The following HDAC4 variants were observed in gnomAD, a reference collection of about 807,000 sequenced individuals.
The protein encoded by HDAC4 is histone deacetylase 4, also known as histone deacetylase A.
In HDAC4, 16 loss-of-function variants were observed where a neutral mutation model predicts 135.1. That is an observed-to-expected ratio of 0.12 (90% CI 0.08 to 0.18). The LOEUF is 0.18. Among genes scored for constraint, HDAC4 ranks in the 10% least tolerant of loss-of-function variants. HDAC4 has a pLI of 1.00. For synonymous variants in HDAC4, 685 were observed against 653.4 expected (o/e 1.05, Z -0.74); for missense variants, 1,143 against 1,511.8 (o/e 0.76, Z 4.05).
chr2:239,070,614 A>G (rs960229054), intron 22 of HDAC4, among the ~76,000 whole-genome samples: 3 of 152,088 alleles, frequency 2.0e-5, no homozygotes, highest in Non-Finnish European at 2.9e-5. Flanking sequence ...GGGTGAGGGG[A>G]GCAGAATCAG....
At chr2:239,329,773 T>C (rs994257674) in intron 2 of HDAC4, among the ~76,000 whole-genome samples, 6 of 152,140 alleles carry the variant, frequency 3.9e-5, no homozygotes, top group South Asian at 2.1e-4. Flanking sequence ...GCAGCTGACA[T>C]CCCTGGGCAG....
chr2:239,379,350 C>A (rs1000518983), intron 1 of HDAC4, among the ~76,000 whole-genome samples: 1 of 152,182 alleles, frequency 6.6e-6, no homozygotes, highest in Non-Finnish European at 1.5e-5. Context: ...GAAAGCAGAG[C>A]GTGTGATGAT....
chr2:239,176,698 C>A (rs2043799854), intron 4 of HDAC4, 135 bp from the exon 5 acceptor site: 4 of 716,318 alleles, frequency 5.6e-6, no homozygotes, highest in Admixed American at 5.3e-5. Flanking sequence ...CCCTGCCCTG[C>A]ACTGCTGCTA....
chr2:239,233,766 C>T (rs1286243059), intron 3 of HDAC4, among the ~76,000 whole-genome samples: 3 of 152,164 alleles, frequency 2.0e-5, no homozygotes, highest in Admixed American at 1.3e-4. Flanking sequence ...GCTGCCCGGG[C>T]GCCCTTCCTG....
At chr2:239,186,262 A>G (rs2044544098) in intron 4 of HDAC4, among the ~76,000 whole-genome samples, 1 of 152,134 alleles carries the variant, frequency 6.6e-6, no homozygotes, top group Non-Finnish European at 1.5e-5. Flanking sequence ...TTTAAAAATG[A>G]CTCCCTTTTC....
At chr2:239,067,668 C>T (rs1283430918) in intron 23 of HDAC4, among the ~76,000 whole-genome samples, 3 of 152,198 alleles carry the variant, frequency 2.0e-5, no homozygotes, top group Non-Finnish European at 4.4e-5. Context: ...GCTGCACGGC[C>T]TGGTGGACTG....
At chr2:239,087,438 T>A in intron 19 of HDAC4, 121 bp downstream of exon 19, 1 of 964,980 alleles carries the variant, frequency 1.0e-6, no homozygotes. Flanking sequence ...ATGCGGCACA[T>A]CCTGGGTGGC....
At chr2:239,384,718 A>T (rs537813008) in intron 1 of HDAC4, among the ~76,000 whole-genome samples, 1 of 152,318 alleles carries the variant, frequency 6.6e-6, no homozygotes, top group South Asian at 2.1e-4. Context: ...GCTTTGTTTC[A>T]GTGGACATGG....
chr2:239,087,469 C>A (rs1249510425), intron 19 of HDAC4, 90 bp downstream of exon 19: 1 of 1,296,174 alleles, frequency 7.7e-7, no homozygotes, highest in Non-Finnish European at 1.1e-6. Flanking sequence ...CAGCCCAGCT[C>A]CCCGCAGTCA....
intron 24 of HDAC4, chr2:239,055,083 C>T: frequency 2.3e-6 from 1 of 432,248 alleles, no homozygotes. Context: ...GGAAGAAAGA[C>T]AGTCCCCAGG....
intron 1 of HDAC4, among the ~76,000 whole-genome samples, chr2:239,392,585 G>A (rs1409255772): frequency 2.0e-5 from 3 of 152,194 alleles, no homozygotes; most frequent in African/African-American, 7.2e-5. Flanking sequence ...CACCCCGCTT[G>A]TGTGGACCCA....
At chr2:239,365,003 C>A (rs565768485) in intron 1 of HDAC4, among the ~76,000 whole-genome samples, 1 of 152,164 alleles carries the variant, frequency 6.6e-6, no homozygotes, top group Non-Finnish European at 1.5e-5. Flanking sequence ...TCAGGTTTGT[C>A]AGACAAAATA....
intron 9 of HDAC4, among the ~76,000 whole-genome samples, chr2:239,135,856 T>C (rs1354945011): frequency 3.3e-5 from 5 of 152,116 alleles, no homozygotes. Context: ...TTATGATACA[T>C]TAAGTTAGAA....
chr2:239,162,367 TC>T, intron 6 of HDAC4: 1 of 456,086 alleles, frequency 2.2e-6, no homozygotes, highest in Non-Finnish European at 4.4e-6. Context: ...TCCTGCCCTT[TC>T]CAGCTTGGGC....
chr2:239,197,223 C>T (rs1040926578), intron 3 of HDAC4, among the ~76,000 whole-genome samples: 7 of 152,152 alleles, frequency 4.6e-5, no homozygotes, highest in African/African-American at 1.7e-4. Context: ...TATAGAATTC[C>T]AGCTTGAAGA....
chr2:239,321,103 T>C (rs1329311843), intron 2 of HDAC4, among the ~76,000 whole-genome samples: 1 of 152,202 alleles, frequency 6.6e-6, no homozygotes, highest in Non-Finnish European at 1.5e-5. Context: ...ACAAACAAAA[T>C]GTGCTTATAA....
chr2:239,303,811 C>T lies in HDAC4; in HGVS notation c.22+48867G>A, dbSNP rs1060733. 6.9e-3 allele frequency among the ~76,000 whole-genome samples: 1,047 copies of T among 152,306 alleles called. 8 individuals are homozygous for T. Among genetic ancestry groups the T allele is most frequent in the Non-Finnish European group, 0.011 (737 of 68,022 alleles). ...GCTCAACTGCAGGGCGCGGCACTCG[C>T]CTATGCTCTCATGAAGCCCCGTGCC... is the stretch of plus-strand genomic sequence containing the variant. On this transcript the variant is annotated intron_variant, in intron 2 of 26. Transcript: ENST00000543185. This position sits in a 1 kb window ranked among gnomAD's most constrained non-coding sequence, Gnocchi z 5.1.
At chr2:239,181,469 G>A (rs1004724784) in intron 4 of HDAC4, among the ~76,000 whole-genome samples, 13 of 152,264 alleles carry the variant, frequency 8.5e-5, no homozygotes, top group South Asian at 2.1e-4. Flanking sequence ...AGGGAGGGCC[G>A]TCAGGGCTAG....
intron 1 of HDAC4, among the ~76,000 whole-genome samples, chr2:239,390,994 T>C (rs947333268): frequency 6.6e-5 from 10 of 152,282 alleles, no homozygotes; most frequent in African/African-American, 2.2e-4. Flanking sequence ...CCCAGCACAC[T>C]GGGAAGCATG....
Sources: allele counts gnomAD v4.1 joint callset (sites outside exome capture counted in the v4.1 genomes callset), GRCh38; gene constraint gnomAD v4.1.1; non-coding constraint Gnocchi (gnomAD v3.1); transcripts MANE v1.5; gene names NCBI Gene and HGNC (gene_info 2026-07-23, HGNC 2026-07-21).